Variants in PIGQ observed in about 807,000 individuals in gnomAD.
The protein encoded by PIGQ is phosphatidylinositol N-acetylglucosaminyltransferase subunit Q.
A neutral mutation model predicts 60.3 loss-of-function variants in PIGQ; 54 were observed. That is an observed-to-expected ratio of 0.90 (90% CI 0.72 to 1.12). The LOEUF is 1.12. Among genes scored for constraint, PIGQ ranks in the 50% most tolerant of loss-of-function variants. The pLI is 0.00. For synonymous variants in PIGQ, 416 were observed against 363.7 expected, an observed-to-expected ratio of 1.14 and a Z score of -1.64; for missense variants, 799 against 793.5, an observed-to-expected ratio of 1.01 and a Z score of -0.08.
chr16:574,741 G>A lies in PIGQ; in HGVS notation c.667G>A (p.Val223Ile), dbSNP rs1463796754. The A allele has an allele frequency of 1.9e-6, 3 of 1,578,414 alleles. No individual in the cohort carries two copies. The South Asian group carries it at 3.4e-5, about 18-fold the overall frequency. The change falls in exon 2 of 11, where the codon GTC becomes ATC. Residue 223 changes from valine (V) to isoleucine (I), a missense_variant. Physicochemically the swap from Val to Ile is conservative, Grantham distance 29. Coordinates refer to ENST00000321878, the MANE Select transcript of PIGQ (RefSeq NM_004204.5). ...CLLLASLLSL[V>I]SAVSACRVFK... ...GCTGTTGGCCAGCCTGCTGTCGCTG[G>A]TCTCAGCTGTCAGTGCCTGCCGGTA...
chr16:571,595 T>G (rs926714601), intron 1 of PIGQ, among the ~76,000 whole-genome samples: 3 of 141,324 alleles, frequency 2.1e-5, no homozygotes, highest in Non-Finnish European at 4.6e-5. Flanking sequence ...TGTGTGTGTG[T>G]GGCTAGCCTG....
At chr16:575,608 C>T (rs1007799841) in intron 2 of PIGQ, among the ~76,000 whole-genome samples, 2 of 152,138 alleles carry the variant, frequency 1.3e-5, no homozygotes, top group African/African-American at 2.4e-5. Flanking sequence ...CCAGGTGGCC[C>T]GGGGTCAGCA....
At position 571,543 on chromosome 16, in the gene PIGQ, TGTGTGTGTGTCTGGCTAGCCTGGTGCCC is replaced by T. The variant is rs1471296315; in HGVS notation, c.-10+1458_-10+1485del. 6.1e-4 allele frequency among the ~76,000 whole-genome samples: 70 copies of T among 115,236 alleles called. 2 individuals are homozygous for T. Among genetic ancestry groups the T allele is most frequent in the African/African-American group, 2.3e-3 (63 of 27,560 alleles). The allele number at this position is 115,236 out of a possible 152,430, so 75.6% of individuals were successfully genotyped here. On this transcript the variant is annotated intron_variant, in intron 1 of 10. Coordinates refer to ENST00000321878, the MANE Select transcript of PIGQ (RefSeq NM_004204.5). ...GTGTCTGGCTAGCCTGGCGCCTGTG[TGTGTGTGTGTCTGGCTAGCCTGGTGCCC>T]GTGTGTGTGTGTGTGTGTGTGTGTG...
chr16:575,028 C>G lies in PIGQ; in HGVS notation c.689+265C>G, dbSNP rs868665663. 3.9e-5 allele frequency among the ~76,000 whole-genome samples: 6 copies of G among 152,278 alleles called. 1 individual carries two copies. The Middle Eastern group carries it at 0.02, about 518-fold the overall frequency. On this transcript the variant is annotated intron_variant, in intron 2 of 10. Transcript: ENST00000321878. Reference sequence around the variant, plus strand: ...CTCCCAGAAGGTGTAGAGGGTGAACCTCAGTGGCTTAGGTCCCTGAAAGAG... The same window carrying G: ...CTCCCAGAAGGTGTAGAGGGTGAACGTCAGTGGCTTAGGTCCCTGAAAGAG...
chr16:579,829 CCGGAGACTAGAGGTGCCCGGGCT>C (rs1468231710), intron 7 of PIGQ: 85 of 161,730 alleles, frequency 5.3e-4, no homozygotes, highest in African/African-American at 1.7e-3. Flanking sequence ...TGCCCCGGGC[CCGGAGACTAGAGGTGCCCGGGCT>C]CGGAGACTAG....
intron 1 of PIGQ, among the ~76,000 whole-genome samples, chr16:571,180 C>CGTGT (rs1166570136): frequency 0.023 from 11 of 488 alleles, 1 homozygote; most frequent in African/African-American, 0.067. Flanking sequence ...GCCTGGCGCC[C>CGTGT]GTGTGTGTGT....
chr16:577,387 C>G (rs549360759), intron 4 of PIGQ, among the ~76,000 whole-genome samples: 33 of 151,650 alleles, frequency 2.2e-4, no homozygotes, highest in Admixed American at 6.6e-5. Context: ...ACCATCCTGG[C>G]TAACACAGTG....
chr16:584,068 G>C lies in PIGQ; in HGVS notation c.*1033G>C. On this transcript the variant is annotated 3_prime_UTR_variant, in exon 11 of 11. Coordinates refer to ENST00000321878, the MANE Select transcript of PIGQ (RefSeq NM_004204.5). ...TCCCTGGCAACCCAGCACCGGGGAA[G>C]CCGTCAGCTGCTGTGACAATAAAAC... 1.0e-5 allele frequency: 3 copies of C among 294,494 alleles called. No homozygotes were observed. Among genetic ancestry groups the C allele is most frequent in the Non-Finnish European group, 2.0e-5 (3 of 148,146 alleles). 18.2% of individuals were successfully genotyped at this position (294,494 alleles called of 1,614,324 possible). A position where few individuals can be genotyped will look rare whatever the true frequency, so the allele number is the denominator to read the frequency against.
chr16:582,484 G>T (rs1259882542), intron 10 of PIGQ, 175 bp downstream of exon 10: 1 of 595,880 alleles, frequency 1.7e-6, no homozygotes, highest in African/African-American at 1.9e-5. Context: ...TTACCCCCAG[G>T]GCCTGAGGAC....
chr16:572,899 C>T (rs1347759979), intron 1 of PIGQ, among the ~76,000 whole-genome samples: 2 of 152,266 alleles, frequency 1.3e-5, no homozygotes, highest in Non-Finnish European at 2.9e-5. Flanking sequence ...ATGTCCCTCC[C>T]TCGAGTGTGG....
chr16:581,033 C>A, intron 9 of PIGQ, 61 bp downstream of exon 9: 1 of 1,347,716 alleles, frequency 7.4e-7, no homozygotes, highest in Non-Finnish European at 1.1e-6. Flanking sequence ...CACCTGTGGG[C>A]CCTGCAGAAG....
At chr16:580,370 G>A in intron 8 of PIGQ, 107 bp downstream of exon 8, 7 of 818,640 alleles carry the variant, frequency 8.6e-6, no homozygotes, top group Admixed American at 2.2e-5. Context: ...CCTGCTGCAG[G>A]CCACGTGGGT....
At position 578,894 on chromosome 16, in the gene PIGQ, C is replaced by T. The variant is rs776208432; in HGVS notation, c.1179C>T (p.Ala393=). 3.3e-5 allele frequency: 53 copies of T among 1,613,634 alleles called. 1 individual carries two copies. Among genetic ancestry groups the T allele is most frequent in the South Asian group, 3.2e-4 (29 of 91,092 alleles). The change falls in exon 6 of 11, where the codon GCC becomes GCT. Residue 393 remains alanine (A), a synonymous_variant. Transcript: ENST00000321878. ...TGTCCCTCCTCTCGGACATTATCGC[C>T]CTCCTCACCTTCCACATCTACTGCT... The part of the protein sequence containing the change: ...VALSLLSDII[A]LLTFHIYCFY...
chr16:580,813 C>T (rs1455940035), intron 8 of PIGQ, 45 bp from the exon 9 acceptor site: 2 of 873,234 alleles, frequency 2.3e-6, no homozygotes, highest in South Asian at 2.6e-5. Flanking sequence ...GCTCTGCCCC[C>T]AGGCGCGTCT....
intron 7 of PIGQ, 114 bp downstream of exon 7, chr16:579,294 G>C: frequency 3.9e-6 from 3 of 771,094 alleles, no homozygotes; most frequent in Non-Finnish European, 6.6e-6. Flanking sequence ...CTGCAGCTGA[G>C]GCCGCGCACA....
Position 580,876 on chromosome 16 carries a change from G to A in PIGQ, c.1435G>A (p.Ala479Thr), listed in dbSNP as rs982164826. ...GCCACAGCTCCGGCTCCTGGTGGTC[G>A]CCGTGCAGGGCCTGATCCATCTGCT... ...VFTLLRLLVV[A>T]VQGLIHLLVD... The change falls in exon 9 of 11, where the codon GCC becomes ACC. Residue 479 changes from alanine (A) to threonine (T), a missense_variant. By Grantham distance (58) the Ala-to-Thr change is moderately conservative (BLOSUM62 0). Transcript: ENST00000321878. 2.3e-5 allele frequency: 35 copies of A among 1,551,606 alleles called. No individual in the cohort carries two copies. Among genetic ancestry groups the A allele is most frequent in the Non-Finnish European group, 2.9e-5 (33 of 1,129,710 alleles).
chr16:581,297 G>A (rs563110080), intron 9 of PIGQ: 9 of 1,308,698 alleles, frequency 6.9e-6, no homozygotes, highest in African/African-American at 4.6e-5. Context: ...GGCCAAGCGC[G>A]GCAAAGTCAG....
chr16:575,132 G>T (rs117439844), intron 2 of PIGQ, among the ~76,000 whole-genome samples: 2,043 of 152,312 alleles, frequency 0.013, 22 homozygotes, highest in Non-Finnish European at 0.02. Context: ...TGGCCTCCCT[G>T]TAGCCCTGCC....
Position 583,850 on chromosome 16 carries a change from G to A in PIGQ, c.*815G>A. The A allele has an allele frequency of 1.6e-6, 1 of 632,284 alleles. No individual in the cohort carries two copies. Among genetic ancestry groups the A allele is most frequent in the South Asian group, 1.8e-5 (1 of 56,652 alleles). 39.2% of individuals were successfully genotyped at this position (632,284 alleles called of 1,614,324 possible). On this transcript the variant is annotated 3_prime_UTR_variant, in exon 11 of 11. Coordinates refer to ENST00000321878, the MANE Select transcript of PIGQ (RefSeq NM_004204.5). ...CCTCTGTGGCCCCCCAGGAGTGTGA[G>A]TGGCCTGGGGAGGGGGCCGTGGCAC...
Sources: gnomAD v4.1 joint callset for allele counts (sites outside exome capture counted in the v4.1 genomes callset) on GRCh38, gnomAD v4.1.1 for gene constraint, MANE v1.5 for transcripts, NCBI Gene and HGNC (gene_info 2026-07-23, HGNC 2026-07-21) for gene names.